RGPD3: variants seen among roughly 807,000 people sequenced by gnomAD.
RGPD3 encodes ranBP2-like and GRIP domain-containing protein 3.
In RGPD3, 62 loss-of-function variants were observed where a neutral mutation model predicts 154.5. That is an observed-to-expected ratio of 0.40 (90% CI 0.33 to 0.50). The LOEUF is 0.50. Among genes scored for constraint, RGPD3 ranks in the 20% least tolerant of loss-of-function variants. The pLI is 0.59. For synonymous variants in RGPD3, 308 were observed against 607.0 expected (o/e 0.51, Z 7.24); for missense variants, 919 against 1,716.8 (o/e 0.54, Z 8.21).
chr2:106,468,459 T>A, upstream of RGPD3: 1 of 1,328,622 alleles, frequency 7.5e-7, no homozygotes, highest in Non-Finnish European at 1.0e-6. Flanking sequence ...CGTTGGCGAC[T>A]TCGGCGCTCG....
intron 6 of RGPD3, among the ~76,000 whole-genome samples, chr2:106,450,931 A>G (rs1678100054): frequency 7.0e-6 from 1 of 142,678 alleles, no homozygotes; most frequent in Admixed American, 7.1e-5. Context: ...TCTACTAAAA[A>G]TACAAAAATT....
intron 6 of RGPD3, among the ~76,000 whole-genome samples, chr2:106,447,909 A>G (rs1677982544): frequency 6.6e-6 from 1 of 152,016 alleles, no homozygotes; most frequent in Admixed American, 6.6e-5. Context: ...CACATTTCAA[A>G]ATAAACCAGG....
rs753200908 is a variant in RGPD3, at chr2:106,468,206, G to T, written c.72+11C>A. The T allele has an allele frequency of 1.2e-6, 2 of 1,602,546 alleles. No individual in the cohort carries two copies. The highest frequency in any genetic ancestry group is 2.2e-5 in the East Asian group (1 of 44,488). On this transcript the variant is annotated intron_variant, in intron 1 of 22. Coordinates refer to ENST00000409886, the MANE Select transcript of RGPD3 (RefSeq NM_001144013.2). ...AGGTCGAGGCCGTCGGTCTCTTCCA[G>T]ACCCACTCACCTTTCGAGGCGACGG...
intron 22 of RGPD3, among the ~76,000 whole-genome samples, chr2:106,408,566 ACT>A (rs1198228620): frequency 2.1e-5 from 3 of 140,150 alleles, no homozygotes; most frequent in African/African-American, 7.7e-5. Flanking sequence ...ATTTACCAAC[ACT>A]CATGTATATA....
At chr2:106,450,890 A>AAAAAAAAAAAAAAAAAAG (rs1553462282) in intron 6 of RGPD3, among the ~76,000 whole-genome samples, 11 of 118,830 alleles carry the variant, frequency 9.3e-5, no homozygotes, top group African/African-American at 3.5e-4. Context: ...TCAAAAAAAA[A>AAAAAAAAAAAAAAAAAAG]AGAGAGATTG....
At chr2:106,466,170 C>G (rs1475653788) in intron 1 of RGPD3, among the ~76,000 whole-genome samples, 1 of 151,422 alleles carries the variant, frequency 6.6e-6, no homozygotes, top group African/African-American at 2.4e-5. Flanking sequence ...GAACAAGCGT[C>G]GGGAACAAGC....
rs574335206 is a variant in RGPD3 at position 106,424,161 on chromosome 2, T to C, written c.3806A>G (p.His1269Arg). 6 of 1,611,182 alleles carry C rather than the reference T, an allele frequency of 3.7e-6. No individual in the cohort carries two copies. The highest frequency in any genetic ancestry group is 1.1e-5 in the South Asian group (1 of 90,948). ...AGGGCTACTTGCCAATGGAGAAGCA[T>C]GTACTGAGCTACTACTGACACTATC... The part of the protein sequence containing the change: ...LDDSVSSSSV[H>R]ASPLASSPVR... The change falls in exon 20 of 23, where the codon CAT (histidine) becomes CGT (arginine). Residue 1269 changes from histidine (H) to arginine (R), a missense_variant. By Grantham distance (29) the His-to-Arg change is conservative (BLOSUM62 0). Coordinates refer to ENST00000409886, the MANE Select transcript of RGPD3 (RefSeq NM_001144013.2).
At chr2:106,447,893 T>C (rs528915779) in intron 6 of RGPD3, among the ~76,000 whole-genome samples, 2 of 152,160 alleles carry the variant, frequency 1.3e-5, no homozygotes, top group South Asian at 2.1e-4. Context: ...TCAGTGATTA[T>C]AGGCGCACAT....
At chr2:106,421,822 A>G (rs1442318120) in intron 20 of RGPD3, among the ~76,000 whole-genome samples, 2 of 151,194 alleles carry the variant, frequency 1.3e-5, no homozygotes, top group South Asian at 2.1e-4. Flanking sequence ...ATAGGTCTTC[A>G]TTGAGCAGAC....
At chr2:106,449,559 C>A (rs1432182636) in intron 6 of RGPD3, among the ~76,000 whole-genome samples, 6 of 148,146 alleles carry the variant, frequency 4.1e-5, no homozygotes, top group Non-Finnish European at 8.9e-5. Flanking sequence ...GTTTTAATTT[C>A]TAATGTAATA....
intron 6 of RGPD3, among the ~76,000 whole-genome samples, chr2:106,448,816 G>A (rs994809137): frequency 1.3e-5 from 2 of 151,578 alleles, no homozygotes; most frequent in Admixed American, 6.6e-5. Context: ...TCAGCCTCCC[G>A]AGCAGCTGGG....
At chr2:106,435,419 T>C (rs2104476145) in intron 12 of RGPD3, among the ~76,000 whole-genome samples, 1 of 149,228 alleles carries the variant, frequency 6.7e-6, no homozygotes, top group South Asian at 2.2e-4. Flanking sequence ...GCAATTCTCC[T>C]GCCTCAGCTT....
chr2:106,414,990 GC>G (rs1234850362), intron 21 of RGPD3, among the ~76,000 whole-genome samples: 2 of 152,202 alleles, frequency 1.3e-5, no homozygotes, highest in East Asian at 3.9e-4. Context: ...TATACGTAGA[GC>G]CCAGGGCCTG....
In RGPD3 at chr2:106,423,641, C is replaced by T; in HGVS notation, c.4326G>A (p.Glu1442=). ...GTAGTTTAAAACGAACAGCTAAATGCTCTACTTTTCTTTCTCCATCTGCAA... is the reference window on the plus strand; with the variant it reads ...GTAGTTTAAAACGAACAGCTAAATGTTCTACTTTTCTTTCTCCATCTGCAA... ...CDFADGERKV[E]HLAVRFKLQD... is the part of the protein sequence containing the mutation. Residue 1442 remains glutamate, a synonymous_variant, in exon 20 of 23, where the codon GAG becomes GAA. Coordinates refer to ENST00000409886, the MANE Select transcript of RGPD3 (RefSeq NM_001144013.2). 6.2e-7 allele frequency: 1 copy of T among 1,603,838 alleles called. No homozygotes were observed. Among genetic ancestry groups the T allele is most frequent in the Non-Finnish European group, 8.5e-7 (1 of 1,177,358 alleles).
Position 106,424,105 on chromosome 2 carries a change from A to G in RGPD3, c.3862T>C (p.Ser1288Pro), listed in dbSNP as rs539834468. 1.7e-4 allele frequency: 276 copies of G among 1,578,154 alleles called. 24 individuals carry two copies. Among genetic ancestry groups the G allele is most frequent in the South Asian group, 4.6e-4 (41 of 88,762 alleles). The part of the protein sequence containing the change: ...VRKNLFHFDE[S>P]TTGSNFSFKS... ...AAACTGAAGTTAGATCCTGTTGTTG[A>G]CTCATCAAAGTGGAAAAGATTTTTT... is the stretch of plus-strand genomic sequence containing the variant. Residue 1288 changes from serine (S) to proline (P), a missense_variant, in exon 20 of 23, where the codon TCA (serine) becomes CCA (proline). Transcript: ENST00000409886.
chr2:106,470,164 GTTA>G (rs1409684196), upstream of RGPD3, among the ~76,000 whole-genome samples: 1 of 152,124 alleles, frequency 6.6e-6, no homozygotes, highest in African/African-American at 2.4e-5. Context: ...CCCAAAAAAG[GTTA>G]TTATTGTTAT....
intron 17 of RGPD3, among the ~76,000 whole-genome samples, chr2:106,430,115 C>T (rs1252756880): frequency 1.3e-5 from 2 of 149,602 alleles, no homozygotes; most frequent in East Asian, 2.1e-4. Flanking sequence ...AACTCCTGAC[C>T]TCAAGTGATC....
In RGPD3 at chr2:106,413,204, C is replaced by T. The variant is rs771431028; in HGVS notation, c.5146G>A (p.Val1716Ile). ...SAANVEHLKNVLLQFIFLKPG... is the reference protein window; with the variant it reads ...SAANVEHLKNILLQFIFLKPG... ...TTCAAGAAAATGAACTGCAGCAAGA[C>T]GTTCTTCAAGTGTTCCACGTTAGCT... is the stretch of plus-strand genomic sequence containing the variant. Residue 1716 changes from valine to isoleucine, a missense_variant, in exon 22 of 23, where the codon GTC (valine) becomes ATC (isoleucine). Physicochemically the swap from Val to Ile is conservative, Grantham distance 29. Coordinates refer to ENST00000409886, the MANE Select transcript of RGPD3 (RefSeq NM_001144013.2). The T allele has an allele frequency of 2.1e-5, 34 of 1,611,860 alleles. 1 individual carries two copies. The highest frequency in any genetic ancestry group is 5.5e-5 in the South Asian group (5 of 90,980).
intron 7 of RGPD3, among the ~76,000 whole-genome samples, chr2:106,441,952 G>C (rs1453593079): frequency 4.9e-5 from 7 of 143,952 alleles, no homozygotes; most frequent in African/African-American, 7.8e-5. Flanking sequence ...AGGCCAAGGT[G>C]GGGGGATCAC....
Sources: allele counts gnomAD v4.1 joint callset (sites outside exome capture counted in the v4.1 genomes callset), GRCh38; gene constraint gnomAD v4.1.1; transcripts MANE v1.5; gene names NCBI Gene and HGNC (gene_info 2026-07-23, HGNC 2026-07-21).